Variants in SLC35F1 observed in about 807,000 individuals in gnomAD.
SLC35F1 encodes solute carrier family 35 member F1.
Under a neutral mutation model 48.7 loss-of-function variants are expected in SLC35F1, and 14 were observed. That is an observed-to-expected ratio of 0.29 (90% CI 0.19 to 0.45). The LOEUF (loss-of-function observed/expected upper bound fraction) is 0.45. SLC35F1 is among the 20% of genes least tolerant of loss of function. The probability of loss-of-function intolerance (pLI) is 1.00; values close to 1 mark genes in which losing one functional copy is unlikely to be tolerated. For missense variants in SLC35F1, 404 were observed against 500.0 expected (o/e 0.81, Z 1.83); for synonymous variants, 190 against 202.2 (o/e 0.94, Z 0.51).
chr6:118,086,379 G>C (rs1772990055), intron 1 of SLC35F1, among the ~76,000 whole-genome samples: 1 of 152,196 alleles, frequency 6.6e-6, no homozygotes, highest in Non-Finnish European at 1.5e-5. Context: ...TCATTTGCAA[G>C]TTCTGCAGTT....
At chr6:117,968,668 G>A (rs1255574493) in intron 1 of SLC35F1, among the ~76,000 whole-genome samples, 1 of 152,110 alleles carries the variant, frequency 6.6e-6, no homozygotes, top group South Asian at 2.1e-4. Context: ...CCAATCTTTG[G>A]TATGTTTAAA....
Position 118,268,165 on chromosome 6 carries a change from T to A in SLC35F1, c.637+1011T>A, listed in dbSNP as rs150861710. Among the ~76,000 whole-genome samples the A allele has an allele frequency of 5.3e-5, 8 of 152,322 alleles. No individual in the cohort carries two copies. In the South Asian group the frequency reaches 8.3e-4, roughly 16 times the overall value. On this transcript the variant is annotated intron_variant, in intron 4 of 7. Transcript: ENST00000360388. ...TCAACTCCTTTGTAATTGACATATG[T>A]GAACACCAAGATCCATCCAAACCAA...
intron 1 of SLC35F1, among the ~76,000 whole-genome samples, chr6:118,151,815 C>A (rs1475425613): frequency 1.3e-5 from 2 of 152,150 alleles, no homozygotes; most frequent in African/African-American, 4.8e-5. Flanking sequence ...CTGCGCCTGG[C>A]CTTTAAAATC....
At chr6:118,263,058 CTGTTT>C (rs1244103517) in intron 3 of SLC35F1, among the ~76,000 whole-genome samples, 1 of 151,930 alleles carries the variant, frequency 6.6e-6, no homozygotes, top group African/African-American at 2.4e-5. Context: ...TTGTTTTGTT[CTGTTT>C]TGTTTTGTTT....
rs1184860544 is a variant in SLC35F1, at chr6:118,314,253, G to A, written c.*1G>A. 1 of 1,613,758 alleles carries A rather than the reference G, an allele frequency of 6.2e-7. No individual in the cohort carries two copies. The highest frequency in any genetic ancestry group is 8.5e-7 in the Non-Finnish European group (1 of 1,179,770). On this transcript the variant is annotated 3_prime_UTR_variant, in exon 8 of 8. Coordinates refer to ENST00000360388, the MANE Select transcript of SLC35F1 (RefSeq NM_001029858.4). ...GGAGCCTCATGTTCGTGTGGCCTAG[G>A]GTGAGGCCCGCCCTGCCAACTGAGG...
chr6:118,186,722 A>G (rs1774661996), intron 2 of SLC35F1, among the ~76,000 whole-genome samples: 1 of 152,204 alleles, frequency 6.6e-6, no homozygotes, highest in Admixed American at 6.5e-5. Context: ...ATAAAAGTGA[A>G]TAGGACCTGT....
At chr6:118,234,667 G>T (rs1408828214) in intron 2 of SLC35F1, among the ~76,000 whole-genome samples, 1 of 152,124 alleles carries the variant, frequency 6.6e-6, no homozygotes, top group Admixed American at 6.5e-5. Flanking sequence ...TGGATATCTT[G>T]TTACACAGCC....
chr6:117,923,633 ATG>A lies in SLC35F1; in HGVS notation c.173+15736_173+15737del, dbSNP rs59411642. Among the ~76,000 whole-genome samples, 12 of 113,770 alleles carry A rather than the reference ATG, an allele frequency of 1.1e-4. 1 individual carries two copies. The highest frequency in any genetic ancestry group is 2.2e-4 in the African/African-American group (6 of 27,302). The allele number at this position is 113,770 out of a possible 152,430, so 74.6% of individuals were successfully genotyped here. ...CATATACATATGTATATATACATAT[ATG>A]TACATATGTACATATGTACATATGT... On this transcript the variant is annotated intron_variant, in intron 1 of 7. Transcript: ENST00000360388.
At chr6:118,071,047 TA>T (rs1772708526) in intron 1 of SLC35F1, among the ~76,000 whole-genome samples, 1 of 7,476 alleles carries the variant, frequency 1.3e-4, no homozygotes, top group Non-Finnish European at 2.8e-4. Context: ...TATATACACA[TA>T]GTATATATAT....
At chr6:117,995,776 TAAAA>T in intron 1 of SLC35F1, among the ~76,000 whole-genome samples, 1 of 151,840 alleles carries the variant, frequency 6.6e-6, no homozygotes, top group African/African-American at 2.4e-5. Context: ...AAATAAAAAT[TAAAA>T]AAAGGGCAGT....
At chr6:118,221,718 C>T (rs1775154083) in intron 2 of SLC35F1, among the ~76,000 whole-genome samples, 1 of 152,186 alleles carries the variant, frequency 6.6e-6, no homozygotes, top group African/African-American at 2.4e-5. Context: ...ACTACATCAG[C>T]TTCAACAAAT....
At chr6:118,242,719 C>A (rs1177998217) in intron 3 of SLC35F1, among the ~76,000 whole-genome samples, 4 of 152,172 alleles carry the variant, frequency 2.6e-5, no homozygotes, top group Admixed American at 2.0e-4. Flanking sequence ...AAAGATTATT[C>A]ATCTTTTTTC....
chr6:117,952,351 T>G (rs543518460), intron 1 of SLC35F1, among the ~76,000 whole-genome samples: 1 of 152,334 alleles, frequency 6.6e-6, no homozygotes, highest in South Asian at 2.1e-4. Flanking sequence ...CTGCTCCTCT[T>G]TACTCTACAT....
chr6:118,152,392 A>G (rs767007261), intron 1 of SLC35F1, among the ~76,000 whole-genome samples: 7 of 152,156 alleles, frequency 4.6e-5, no homozygotes, highest in Non-Finnish European at 1.0e-4. Flanking sequence ...TGGTCATGTA[A>G]CAAACCACTG....
At chr6:118,080,762 T>C (rs1196606150) in intron 1 of SLC35F1, among the ~76,000 whole-genome samples, 2 of 152,158 alleles carry the variant, frequency 1.3e-5, no homozygotes, top group African/African-American at 4.8e-5. Context: ...AGAGCTAAAA[T>C]GCATCATCTC....
intron 3 of SLC35F1, among the ~76,000 whole-genome samples, chr6:118,248,997 G>A (rs543514229): frequency 2.9e-4 from 44 of 152,300 alleles, no homozygotes; most frequent in South Asian, 8.3e-4. Context: ...TACCATGCAC[G>A]CGAGGACACA....
intron 6 of SLC35F1, among the ~76,000 whole-genome samples, chr6:118,280,111 ATTG>A (rs1322908726): frequency 1.3e-5 from 2 of 152,310 alleles, no homozygotes; most frequent in Admixed American, 6.5e-5. Context: ...GATAATAGTT[ATTG>A]TTGTTTGTTT....
Position 118,301,674 on chromosome 6 carries a change from T to C in SLC35F1, c.1003-12354T>C, listed in dbSNP as rs182728835. On this transcript the variant is annotated intron_variant, in intron 7 of 7. Transcript: ENST00000360388. ...GCATCTATATTGGTAGCTATAGATA[T>C]AGATATATTGGTAGGCCAGCAGTCA... Among the ~76,000 whole-genome samples the C allele has an allele frequency of 5.3e-3, 806 of 152,314 alleles. 4 individuals carry two copies. Among genetic ancestry groups the C allele is most frequent in the Non-Finnish European group, 8.7e-3 (591 of 68,026 alleles).
At chr6:118,251,698 T>C (rs1276863786) in intron 3 of SLC35F1, among the ~76,000 whole-genome samples, 2 of 152,176 alleles carry the variant, frequency 1.3e-5, no homozygotes, top group East Asian at 3.9e-4. Flanking sequence ...CTAAATAGTT[T>C]TAAGTGGCTA....
Sources: allele counts gnomAD v4.1 joint callset (sites outside exome capture counted in the v4.1 genomes callset), GRCh38; gene constraint gnomAD v4.1.1; transcripts MANE v1.5; gene names NCBI Gene and HGNC (gene_info 2026-07-23, HGNC 2026-07-21).